Variants in SPAG16 observed in about 807,000 individuals in gnomAD.
SPAG16 encodes the protein sperm-associated antigen 16 protein.
Under a neutral mutation model 80.4 loss-of-function variants are expected in SPAG16, and 86 were observed. The observed-to-expected ratio is 1.07, with a 90% CI of 0.90 to 1.28. SPAG16 has a LOEUF of 1.28. SPAG16 is among the 50% of genes most tolerant of loss of function. The pLI is 0.00. For missense variants in SPAG16, 870 were observed against 765.3 expected, an observed-to-expected ratio of 1.14 and a Z score of -1.61; for synonymous variants, 294 against 265.9, an observed-to-expected ratio of 1.11 and a Z score of -1.03.
chr2:213,375,851 A>G (rs1294293546), intron 9 of SPAG16, among the ~76,000 whole-genome samples: 1 of 151,740 alleles, frequency 6.6e-6, no homozygotes, highest in East Asian at 1.9e-4. Context: ...GAATTCAAAT[A>G]ATAGCATTTA....
intron 10 of SPAG16, among the ~76,000 whole-genome samples, chr2:213,527,109 A>G (rs901209785): frequency 3.3e-5 from 5 of 152,172 alleles, no homozygotes; most frequent in African/African-American, 1.2e-4. Flanking sequence ...CAATGTCTTT[A>G]GACAGTGAAT....
At chr2:214,129,917 C>A (rs2054678352) in intron 14 of SPAG16, among the ~76,000 whole-genome samples, 1 of 152,074 alleles carries the variant, frequency 6.6e-6, no homozygotes, top group Non-Finnish European at 1.5e-5. Context: ...CTTTGTGACT[C>A]AATACTTACC....
intron 10 of SPAG16, among the ~76,000 whole-genome samples, chr2:213,815,431 A>G (rs532619334): frequency 2.3e-4 from 35 of 152,310 alleles, no homozygotes; most frequent in African/African-American, 7.9e-4. Context: ...CAAACTTACT[A>G]AGCTATACAT....
intron 9 of SPAG16, among the ~76,000 whole-genome samples, chr2:213,397,603 ACT>A (rs1196176270): frequency 1.3e-5 from 2 of 151,986 alleles, no homozygotes; most frequent in Non-Finnish European, 2.9e-5. Context: ...GATCCTTCTA[ACT>A]CTCTGAAGTT....
At chr2:213,995,676 C>A (rs1179118181) in intron 12 of SPAG16, among the ~76,000 whole-genome samples, 2 of 152,120 alleles carry the variant, frequency 1.3e-5, no homozygotes, top group Admixed American at 1.3e-4. Flanking sequence ...TCATCAGGAG[C>A]CCTTCCTAGT....
chr2:214,178,311 T>C (rs987990143), intron 15 of SPAG16, among the ~76,000 whole-genome samples: 3 of 151,022 alleles, frequency 2.0e-5, no homozygotes, highest in Admixed American at 6.6e-5. Context: ...AGGAGTTTAA[T>C]GGTTGCTATA....
chr2:213,759,052 A>G (rs1192105549), intron 10 of SPAG16, among the ~76,000 whole-genome samples: 1 of 152,216 alleles, frequency 6.6e-6, no homozygotes, highest in African/African-American at 2.4e-5. Context: ...AACATTATCA[A>G]ACAAGAATCT....
At chr2:213,510,994 T>G (rs921047385) in intron 10 of SPAG16, among the ~76,000 whole-genome samples, 3 of 152,172 alleles carry the variant, frequency 2.0e-5, no homozygotes, top group Non-Finnish European at 4.4e-5. Flanking sequence ...ATGATAATAA[T>G]AGCATTTTAA....
intron 10 of SPAG16, among the ~76,000 whole-genome samples, chr2:213,565,167 CCTTCT>C (rs1208970457): frequency 1.3e-5 from 2 of 152,192 alleles, no homozygotes; most frequent in Non-Finnish European, 2.9e-5. Context: ...AATTTGTTTA[CCTTCT>C]CTTCTCTTCA....
At chr2:213,911,552 T>C (rs2077667063) in intron 11 of SPAG16, among the ~76,000 whole-genome samples, 1 of 152,236 alleles carries the variant, frequency 6.6e-6, no homozygotes, top group African/African-American at 2.4e-5. Flanking sequence ...TAGGAAATAC[T>C]ATGTGTTGCT....
At chr2:214,101,662 A>C (rs561315094) in intron 13 of SPAG16, among the ~76,000 whole-genome samples, 115 of 152,242 alleles carry the variant, frequency 7.6e-4, no homozygotes, top group African/African-American at 2.6e-3. Flanking sequence ...ATCTTCTTGC[A>C]CATAAAGGGC....
intron 10 of SPAG16, among the ~76,000 whole-genome samples, chr2:213,858,200 A>G (rs1466107203): frequency 2.6e-5 from 4 of 152,238 alleles, no homozygotes; most frequent in Non-Finnish European, 5.9e-5. Context: ...CAATTTTGAA[A>G]GAAGTTCCAC....
rs756266129 is a variant in SPAG16 at position 213,862,568 on chromosome 2, A to G, written c.1154A>G (p.Asn385Ser). ...LWKVLGLPKC[N>S]VLLTGFGHTD... ...AAGGTGTTGGGCCTTCCAAAATGCAATGTGCTTCTCACGGGATTTGGCCAC... is the reference window on the plus strand; with the variant it reads ...AAGGTGTTGGGCCTTCCAAAATGCAGTGTGCTTCTCACGGGATTTGGCCAC... The change falls in exon 11 of 16, where the codon AAT becomes AGT. Residue 385 changes from asparagine (N) to serine (S), a missense_variant. Physicochemically the swap from Asn to Ser is conservative, Grantham distance 46. Transcript: ENST00000331683. The G allele has an allele frequency of 9.3e-6, 15 of 1,614,006 alleles. No homozygotes were observed. The highest frequency in any genetic ancestry group is 6.7e-5 in the Admixed American group (4 of 59,992).
intron 9 of SPAG16, among the ~76,000 whole-genome samples, chr2:213,418,601 G>C (rs545571234): frequency 6.6e-6 from 1 of 152,184 alleles, no homozygotes; most frequent in Non-Finnish European, 1.5e-5. Context: ...GTAATAATTA[G>C]ATTTATTTTG....
At chr2:214,391,379 A>T (rs1016808862) in intron 15 of SPAG16, among the ~76,000 whole-genome samples, 1 of 152,172 alleles carries the variant, frequency 6.6e-6, no homozygotes, top group African/African-American at 2.4e-5. Flanking sequence ...ATTTCTTCTG[A>T]TCTGATGAAA....
Position 214,410,209 on chromosome 2 carries a change from A to G in SPAG16, c.1790A>G (p.His597Arg). 6.2e-7 allele frequency: 1 copy of G among 1,613,738 alleles called. No homozygotes were observed. The highest frequency in any genetic ancestry group is 1.7e-5 in the Admixed American group (1 of 60,008). ...CTAGATCTTAAATCTGGGGAGATTC[A>G]CAAATTGATGGGCCACGAAAACGAG... ...HLLDLKSGEI[H>R]KLMGHENEAH... Residue 597 changes from histidine to arginine, a missense_variant, in exon 16 of 16, where the codon CAC (histidine) becomes CGC (arginine). Transcript: ENST00000331683.
chr2:213,381,101 T>C (rs140549119), intron 9 of SPAG16, among the ~76,000 whole-genome samples: 12 of 76,786 alleles, frequency 1.6e-4, no homozygotes, highest in African/African-American at 4.1e-4. Flanking sequence ...AATAGACTTA[T>C]ACCACAACAC....
In SPAG16 at chr2:214,308,075, G is replaced by T. The variant is rs566435059; in HGVS notation, c.1721-102065G>T. 1.2e-3 allele frequency among the ~76,000 whole-genome samples: 178 copies of T among 149,348 alleles called. 1 individual carries two copies. Among genetic ancestry groups the T allele is most frequent in the African/African-American group, 4.3e-3 (173 of 40,410 alleles). On this transcript the variant is annotated intron_variant, in intron 15 of 15. Coordinates refer to ENST00000331683, the MANE Select transcript of SPAG16 (RefSeq NM_024532.5). ...GCTTTATGAATCTGGGTCCTCCTGT[G>T]TTGGGTGCATATATATTTAGGATAG...
chr2:213,799,126 A>T (rs1480694880), intron 10 of SPAG16, among the ~76,000 whole-genome samples: 1 of 152,184 alleles, frequency 6.6e-6, no homozygotes, highest in Non-Finnish European at 1.5e-5. Flanking sequence ...AGAGATTTTG[A>T]TAGAGATTCC....
Sources: gnomAD v4.1 joint callset for allele counts (sites outside exome capture counted in the v4.1 genomes callset) on GRCh38, gnomAD v4.1.1 for gene constraint, MANE v1.5 for transcripts, NCBI Gene and HGNC (gene_info 2026-07-23, HGNC 2026-07-21) for gene names.